OTUD7A: variants seen among roughly 807,000 people sequenced by gnomAD.
The protein encoded by OTUD7A is OTU deubiquitinase 7A.
OTUD7A carries 12 observed loss-of-function variants against 65.7 expected under a neutral mutation model. The ratio of observed to expected loss-of-function variants is 0.18; its 90% confidence interval spans 0.12 to 0.30. OTUD7A has a LOEUF of 0.30. Ranked by LOEUF, OTUD7A falls within the 10% of genes least tolerant of loss-of-function variation. OTUD7A has a pLI of 1.00. For synonymous variants in OTUD7A, 641 were observed against 586.3 expected, an observed-to-expected ratio of 1.09 and a Z score of -1.35; for missense variants, 1,148 against 1,304.8, an observed-to-expected ratio of 0.88 and a Z score of 1.85.
chr15:31,607,097 G>A (rs1432537421), intron 3 of OTUD7A, among the ~76,000 whole-genome samples: 1 of 152,240 alleles, frequency 6.6e-6, no homozygotes, highest in Non-Finnish European at 1.5e-5. Flanking sequence ...AGGCAGTGAG[G>A]AATGTTAAGC....
At position 31,623,916 on chromosome 15, in the gene OTUD7A, G is replaced by A. The variant is rs542348319; in HGVS notation, c.151+31180C>T. Reference sequence around the variant, plus strand: ...TCGGCCAACTTGGAACTGCCCCACCGATTTGATTTCAATGATATTTGCACT... The same window carrying A: ...TCGGCCAACTTGGAACTGCCCCACCAATTTGATTTCAATGATATTTGCACT... On this transcript the variant is annotated intron_variant, in intron 3 of 12. Transcript: ENST00000307050. Among the ~76,000 whole-genome samples, 8 of 152,324 alleles carry A rather than the reference G, an allele frequency of 5.3e-5. No individual in the cohort carries two copies. In the East Asian group the frequency reaches 7.7e-4, roughly 15 times the overall value.
chr15:31,701,613 C>T (rs969699676), intron 1 of OTUD7A, among the ~76,000 whole-genome samples: 3 of 150,300 alleles, frequency 2.0e-5, no homozygotes, highest in African/African-American at 4.9e-5. Flanking sequence ...AATATGAAAC[C>T]GGTCATTTGG....
intron 1 of OTUD7A, among the ~76,000 whole-genome samples, chr15:31,730,482 T>A (rs543461264): frequency 3.3e-5 from 5 of 152,336 alleles, no homozygotes; most frequent in African/African-American, 1.2e-4. Context: ...ATTCCCTCTA[T>A]GAGTTTGGCT....
chr15:31,714,901 C>T (rs1050273315), intron 1 of OTUD7A, among the ~76,000 whole-genome samples: 6 of 151,926 alleles, frequency 3.9e-5, no homozygotes, highest in African/African-American at 1.2e-4. Flanking sequence ...TTTGGGAGGC[C>T]GAGGCAGGCG....
At chr15:31,799,465 T>G (rs574123809) in intron 1 of OTUD7A, among the ~76,000 whole-genome samples, 19 of 152,194 alleles carry the variant, frequency 1.2e-4, no homozygotes, top group Middle Eastern at 3.4e-3. Context: ...GGAAGATAAT[T>G]GTTTAGATGA....
intron 8 of OTUD7A, among the ~76,000 whole-genome samples, chr15:31,504,061 G>A (rs868823387): frequency 7.2e-5 from 11 of 152,242 alleles, no homozygotes; most frequent in Admixed American, 3.3e-4. Flanking sequence ...GAGCCCGCAG[G>A]TGAAGGGTGC....
chr15:31,859,254 C>T (rs1897657462), intron 1 of OTUD7A, among the ~76,000 whole-genome samples: 1 of 152,032 alleles, frequency 6.6e-6, no homozygotes, highest in Admixed American at 6.6e-5. Context: ...TTTTGGTGTA[C>T]AACACATCAT....
chr15:31,784,352 A>G (rs909214804), intron 1 of OTUD7A, among the ~76,000 whole-genome samples: 1 of 152,216 alleles, frequency 6.6e-6, no homozygotes, highest in Non-Finnish European at 1.5e-5. Context: ...CACTACAACT[A>G]AAACAACACA....
At chr15:31,714,658 T>C (rs1893537124) in intron 1 of OTUD7A, among the ~76,000 whole-genome samples, 1 of 152,254 alleles carries the variant, frequency 6.6e-6, no homozygotes, top group Admixed American at 6.5e-5. Flanking sequence ...AATAAGCTTG[T>C]GAAGGACTTT....
intron 1 of OTUD7A, among the ~76,000 whole-genome samples, chr15:31,827,001 G>T (rs1370212637): frequency 6.6e-6 from 1 of 152,210 alleles, no homozygotes; most frequent in Non-Finnish European, 1.5e-5. Context: ...TCTCTAGGAG[G>T]TTCCAAACTT....
chr15:31,676,453 C>G (rs1329714397), intron 1 of OTUD7A, among the ~76,000 whole-genome samples: 1 of 152,234 alleles, frequency 6.6e-6, no homozygotes, highest in Non-Finnish European at 1.5e-5. Flanking sequence ...TCTTTCTCCT[C>G]CATGAGCTGC....
chr15:31,620,681 C>T (rs1386107419), intron 3 of OTUD7A, among the ~76,000 whole-genome samples: 1 of 117,554 alleles, frequency 8.5e-6, no homozygotes, highest in Non-Finnish European at 1.6e-5. Flanking sequence ...GTCTTGCTAG[C>T]AGTCTATCAA....
chr15:31,557,775 T>C (rs2141156002), intron 5 of OTUD7A: 1 of 152,334 alleles, frequency 6.6e-6, no homozygotes, highest in South Asian at 2.1e-4. Context: ...ATCAGAATCA[T>C]ACCAACCTAC....
At chr15:31,490,505 C>G (rs2041304394) in intron 10 of OTUD7A, among the ~76,000 whole-genome samples, 1 of 152,210 alleles carries the variant, frequency 6.6e-6, no homozygotes, top group African/African-American at 2.4e-5. Flanking sequence ...CTTTAACCCA[C>G]CAGACAGCTG....
intron 1 of OTUD7A, among the ~76,000 whole-genome samples, chr15:31,817,982 C>G (rs553433234): frequency 6.6e-6 from 1 of 152,320 alleles, no homozygotes; most frequent in East Asian, 1.9e-4. Context: ...AGAGAGCCGT[C>G]AGAGAGCTGC....
chr15:31,633,423 T>A (rs867037813), intron 3 of OTUD7A, among the ~76,000 whole-genome samples: 1 of 152,240 alleles, frequency 6.6e-6, no homozygotes, highest in African/African-American at 2.4e-5. Context: ...TGAATTCTTA[T>A]AATGTTATGC....
At position 31,799,142 on chromosome 15, in the gene OTUD7A, G is replaced by A. The variant is rs375266319; in HGVS notation, c.-100+71365C>T. On this transcript the variant is annotated intron_variant, in intron 1 of 12. Coordinates refer to ENST00000307050, the MANE Select transcript of OTUD7A (RefSeq NM_001382637.1). Reference sequence around the variant, plus strand: ...GGATCCTTGAACAGAGAGAAGGCTGGAGTGGCTGGGGTGAATCCAGCAAAG... The same window carrying A: ...GGATCCTTGAACAGAGAGAAGGCTGAAGTGGCTGGGGTGAATCCAGCAAAG... Among the ~76,000 whole-genome samples, 71 of 152,318 alleles carry A rather than the reference G, an allele frequency of 4.7e-4. No individual in the cohort carries two copies. The South Asian group carries it at 0.015, about 32-fold the overall frequency.
Position 31,484,382 on chromosome 15 carries a change from C to G in OTUD7A, c.1714G>C (p.Ala572Pro), listed in dbSNP as rs769530133. 6 of 1,601,194 alleles carry G rather than the reference C, an allele frequency of 3.7e-6. No homozygotes were observed. The East Asian group carries it at 1.1e-4, about 30-fold the overall frequency. Reference protein sequence around the residue: ...DSAERGKEKKAKSRKGSKEES... With the variant: ...DSAERGKEKKPKSRKGSKEES... ...TCCTTGCTGCCCTTGCGCGACTTGGCCTTCTTCTCCTTGCCCCGCTCGGCC... is the reference window on the plus strand; with the variant it reads ...TCCTTGCTGCCCTTGCGCGACTTGGGCTTCTTCTCCTTGCCCCGCTCGGCC... Residue 572 changes from alanine to proline, a missense_variant, in exon 13 of 13, where the codon GCC becomes CCC. By Grantham distance (27) the Ala-to-Pro change is conservative. Around this residue, in one of 6 missense-constraint regions of OTUD7A, gnomAD observed 842 missense variants for 769.5 expected, o/e 1.09. Coordinates refer to ENST00000307050, the MANE Select transcript of OTUD7A (RefSeq NM_001382637.1). The surrounding 1 kb of genome is among the most constrained non-coding windows in gnomAD (Gnocchi z 4.5).
intron 3 of OTUD7A, among the ~76,000 whole-genome samples, chr15:31,639,003 G>A (rs1314863083): frequency 3.3e-5 from 5 of 152,048 alleles, no homozygotes; most frequent in Non-Finnish European, 7.4e-5. Flanking sequence ...CCATGGTGGC[G>A]GGTGCCTGTA....
Sources: allele counts gnomAD v4.1 joint callset (sites outside exome capture counted in the v4.1 genomes callset), GRCh38; gene constraint gnomAD v4.1.1; regional missense constraint gnomAD v4.1.1; non-coding constraint Gnocchi (gnomAD v3.1); transcripts MANE v1.5; gene names NCBI Gene and HGNC (gene_info 2026-07-23, HGNC 2026-07-21).